The following REG3A variants were observed in gnomAD, a reference collection of about 807,000 sequenced individuals.
REG3A encodes regenerating family member 3 alpha.
A neutral mutation model predicts 20.5 loss-of-function variants in REG3A; 15 were observed. The ratio of observed to expected loss-of-function variants is 0.73; its 90% CI spans 0.49 to 1.12. The LOEUF (loss-of-function observed/expected upper bound fraction) is 1.12. REG3A is among the 50% of genes most tolerant of loss of function. The pLI is 0.00. For synonymous variants in REG3A, 93 were observed against 83.2 expected (o/e 1.12, Z -0.64); for missense variants, 224 against 213.1 (o/e 1.05, Z -0.32).
chr2:79,159,066 T>A (rs1314819715), intron 2 of REG3A: 1 of 579,366 alleles, frequency 1.7e-6, no homozygotes, highest in East Asian at 2.9e-5. Context: ...TTACTGACCC[T>A]CCAGTGTATA....
At position 79,158,686 on chromosome 2, in the gene REG3A, A is replaced by T. The variant is rs1330740608; in HGVS notation, c.160T>A (p.Leu54Met). 3 of 1,614,168 alleles carry T rather than the reference A, an allele frequency of 1.9e-6. No individual in the cohort carries two copies. The East Asian group carries it at 6.7e-5, about 36-fold the overall frequency. ...SKAYGSHCYALFLSPKSWTDA... is the reference protein window; with the variant it reads ...SKAYGSHCYAMFLSPKSWTDA... ...GTCCAGGATTTTGGTGACAAAAACA[A>T]GGCATAGCAGTGGGAGCCATAGGCC... Residue 54 changes from leucine (L) to methionine (M), a missense_variant, in exon 3 of 6, where the codon TTG (leucine) becomes ATG (methionine). Coordinates refer to ENST00000305165, the MANE Select transcript of REG3A (RefSeq NM_002580.3).
At position 79,158,390 on chromosome 2, in the gene REG3A, G is replaced by T. The variant is rs1558558248; in HGVS notation, c.269C>A (p.Ser90Tyr). ...LSGAEGSFVS[S>Y]LVKSIGNSYS... ...GCTGTTACCAATGCTCTTCACCAGG[G>T]AGGACACGAAGGATCCCTCAGCCCC... The change falls in exon 4 of 6, where the codon TCC (serine) becomes TAC (tyrosine). Residue 90 changes from serine to tyrosine, a missense_variant. Physicochemically the swap from Ser to Tyr is moderately radical, Grantham distance 144 (BLOSUM62 -2). Coordinates refer to ENST00000305165, the MANE Select transcript of REG3A (RefSeq NM_002580.3). 6.2e-7 allele frequency: 1 copy of T among 1,614,158 alleles called. No homozygotes were observed. The highest frequency in any genetic ancestry group is 8.5e-7 in the Non-Finnish European group (1 of 1,180,024).
At chr2:79,159,178 G>A in intron 2 of REG3A, 152 bp downstream of exon 2, 2 of 775,402 alleles carry the variant, frequency 2.6e-6, no homozygotes, top group Non-Finnish European at 4.2e-6. Flanking sequence ...CCCACTGCAA[G>A]TTAACCTGAA....
In REG3A at chr2:79,157,093, G is replaced by A. The variant is rs1673331390; in HGVS notation, c.*133C>T. 1 of 716,854 alleles carries A rather than the reference G, an allele frequency of 1.4e-6. No individual in the cohort carries two copies. Among genetic ancestry groups the A allele is most frequent in the Non-Finnish European group, 2.5e-6 (1 of 405,888 alleles). The allele number at this position is 716,854 out of a possible 1,614,324, so 44.4% of individuals were successfully genotyped here. ...AAATGACAGCGGGGAGGAAGAAACA[G>A]AAGAAAGATAAGAATGAGGTGGTCA... is the stretch of plus-strand genomic sequence containing the variant. On this transcript the variant is annotated 3_prime_UTR_variant, in exon 6 of 6. Transcript: ENST00000305165.
chr2:79,157,525 G>A (rs772655688), intron 5 of REG3A, 47 bp downstream of exon 5: 1 of 1,603,918 alleles, frequency 6.2e-7, no homozygotes, highest in East Asian at 2.2e-5. Flanking sequence ...CAGGAATGGG[G>A]GATGAGATGG....
At position 79,158,714 on chromosome 2, in the gene REG3A, G is replaced by A. The variant is rs151120041; in HGVS notation, c.132C>T (p.Ser44=). The A allele has an allele frequency of 9.3e-6, 15 of 1,613,966 alleles. No homozygotes were observed. The African/African-American group carries it at 2.0e-4, about 22-fold the overall frequency. The change falls in exon 3 of 6, where the codon TCC becomes TCT. Residue 44 remains serine (S), a synonymous_variant. Transcript: ENST00000305165. ...CATAGCAGTGGGAGCCATAGGCCTTGGAGCCTTTGGGACAGCGGATCCGTG... is the reference window on the plus strand; with the variant it reads ...CATAGCAGTGGGAGCCATAGGCCTTAGAGCCTTTGGGACAGCGGATCCGTG... ...PSARIRCPKG[S]KAYGSHCYAL...
At position 79,158,465 on chromosome 2, in the gene REG3A, T is replaced by C. The variant is rs749392830; in HGVS notation, c.196-2A>G. The C allele has an allele frequency of 6.2e-7, 1 of 1,614,008 alleles. No homozygotes were observed. Among genetic ancestry groups the C allele is most frequent in the Non-Finnish European group, 8.5e-7 (1 of 1,179,950 alleles). ...AGAGGGCCGCTTCTGGCAGGCCAGC[T>C]TTGAGGGCAACAAAGAGAATGAGAG... On this transcript the variant is annotated splice_acceptor_variant, in intron 3 of 5. Coordinates refer to ENST00000305165, the MANE Select transcript of REG3A (RefSeq NM_002580.3). LOFTEE classifies it high-confidence loss of function.
rs764507577 is a variant in REG3A at position 79,158,307 on chromosome 2, G to A, written c.333+19C>T. The A allele has an allele frequency of 3.7e-6, 6 of 1,610,808 alleles. No individual in the cohort carries two copies. Among genetic ancestry groups the A allele is most frequent in the Non-Finnish European group, 5.1e-6 (6 of 1,178,360 alleles). On this transcript the variant is annotated intron_variant, in intron 4 of 5. Transcript: ENST00000305165. ...ATAGCACCTTGAGAGGTAACAGAGA[G>A]GGGAGGATATACTGGCACCTGTGTG...
At chr2:79,157,531 G>C (rs770647182) in intron 5 of REG3A, 41 bp downstream of exon 5, 1 of 1,606,884 alleles carries the variant, frequency 6.2e-7, no homozygotes, top group Non-Finnish European at 8.5e-7. Context: ...TGGGGGATGA[G>C]ATGGAAAACA....
intron 4 of REG3A, among the ~76,000 whole-genome samples, chr2:79,158,049 G>A (rs2104108972): frequency 6.6e-6 from 1 of 152,308 alleles, no homozygotes; most frequent in East Asian, 1.9e-4. Context: ...AGTAGGCAAA[G>A]ACTCCATGAA....
At position 79,158,309 on chromosome 2, in the gene REG3A, G is replaced by T. The variant is rs1198802186; in HGVS notation, c.333+17C>A. On this transcript the variant is annotated intron_variant, in intron 4 of 5. Coordinates refer to ENST00000305165, the MANE Select transcript of REG3A (RefSeq NM_002580.3). ...AGCACCTTGAGAGGTAACAGAGAGG[G>T]GAGGATATACTGGCACCTGTGTGGG... 6.2e-7 allele frequency: 1 copy of T among 1,611,400 alleles called. No homozygotes were observed. The highest frequency in any genetic ancestry group is 8.5e-7 in the Non-Finnish European group (1 of 1,178,628).
chr2:79,159,303 C>T, intron 2 of REG3A, 27 bp downstream of exon 2: 2 of 1,610,902 alleles, frequency 1.2e-6, no homozygotes, highest in African/African-American at 1.3e-5. Context: ...CATAGGGAAC[C>T]CAGTGCTAGA....
chr2:79,157,964 T>C (rs1673353253), intron 4 of REG3A, among the ~76,000 whole-genome samples: 1 of 152,242 alleles, frequency 6.6e-6, no homozygotes, highest in Non-Finnish European at 1.5e-5. Context: ...GATTAGCTTG[T>C]GAACCTCAAA....
chr2:79,157,158 T>C lies in REG3A; in HGVS notation c.*68A>G, dbSNP rs187541059. ...AGCGAATATTCTCTTCCAGGGTGAGTCCTCACACTGGTCTCATGCCCATGA... is the reference window on the plus strand; with the variant it reads ...AGCGAATATTCTCTTCCAGGGTGAGCCCTCACACTGGTCTCATGCCCATGA... On this transcript the variant is annotated 3_prime_UTR_variant, in exon 6 of 6. Transcript: ENST00000305165. 483 of 1,192,354 alleles carry C rather than the reference T, an allele frequency of 4.1e-4. 7 individuals carry two copies. In the East Asian group the frequency reaches 9.0e-3, roughly 22 times the overall value. 73.9% of individuals were successfully genotyped at this position (1,192,354 alleles called of 1,614,324 possible).
chr2:79,158,272 C>T (rs1409983955), intron 4 of REG3A, 54 bp downstream of exon 4: 52 of 1,585,704 alleles, frequency 3.3e-5, no homozygotes, highest in Non-Finnish European at 4.3e-5. Context: ...GGGAGTGGGC[C>T]TGGGCAACAA....
At chr2:79,157,419 G>A (rs1673339337) in intron 5 of REG3A, 126 bp from the exon 6 acceptor site, 9 of 1,443,618 alleles carry the variant, frequency 6.2e-6, no homozygotes, top group Non-Finnish European at 8.6e-6. Context: ...CCCAATCCAG[G>A]AGAGAGATTC....
At chr2:79,159,022 G>A in intron 2 of REG3A, 1 of 578,614 alleles carries the variant, frequency 1.7e-6, no homozygotes, top group Non-Finnish European at 3.1e-6. Flanking sequence ...TCTCTACATT[G>A]GGTCCTCCAA....
chr2:79,157,711 G>C lies in REG3A; in HGVS notation c.334-13C>G, dbSNP rs749033640. ...TGGGCTCGGTGCCCTGTAGAGTAGA[G>C]GAGGTAGCCAGGTGAAGGGAATGGC... On this transcript the variant is annotated splice_polypyrimidine_tract_variant and intron_variant, in intron 4 of 5. Coordinates refer to ENST00000305165, the MANE Select transcript of REG3A (RefSeq NM_002580.3). 38 of 1,611,954 alleles carry C rather than the reference G, an allele frequency of 2.4e-5. No homozygotes were observed. Among genetic ancestry groups the C allele is most frequent in the Non-Finnish European group, 3.1e-5 (36 of 1,178,904 alleles).
Position 79,158,826 on chromosome 2 carries a change from A to T in REG3A, c.77-57T>A, listed in dbSNP as rs554252929. The T allele has an allele frequency of 7.8e-5, 109 of 1,403,410 alleles. No homozygotes were observed. The East Asian group carries it at 2.1e-3, about 27-fold the overall frequency. The allele number at this position is 1,403,410 out of a possible 1,614,324, so 86.9% of individuals were successfully genotyped here. On this transcript the variant is annotated intron_variant, in intron 2 of 5. Transcript: ENST00000305165. Reference sequence around the variant, plus strand: ...TGAAGAGTGGGGCTTGGGGTGGGAGATGACCTTGGGGAATACCTAGGAATG... The same window carrying T: ...TGAAGAGTGGGGCTTGGGGTGGGAGTTGACCTTGGGGAATACCTAGGAATG...
Sources: gnomAD v4.1 joint callset for allele counts (sites outside exome capture counted in the v4.1 genomes callset) on GRCh38, gnomAD v4.1.1 for gene constraint, MANE v1.5 for transcripts, NCBI Gene and HGNC (gene_info 2026-07-23, HGNC 2026-07-21) for gene names.